Variants in FLT3LG observed in about 807,000 individuals in gnomAD.
The protein encoded by FLT3LG is fms related receptor tyrosine kinase 3 ligand.
FLT3LG carries 8 observed loss-of-function variants against 30.9 expected under a neutral mutation model. That is an observed-to-expected ratio of 0.26 (90% CI 0.15 to 0.47). The LOEUF is 0.47. Among genes scored for constraint, FLT3LG ranks in the 20% least tolerant of loss-of-function variants. FLT3LG has a pLI of 0.99. For missense variants in FLT3LG, 278 were observed against 306.2 expected, an observed-to-expected ratio of 0.91 and a Z score of 0.69; for synonymous variants, 123 against 135.9, an observed-to-expected ratio of 0.91 and a Z score of 0.66.
intron 8 of FLT3LG, among the ~76,000 whole-genome samples, chr19:49,483,919 C>T (rs1432777846): frequency 7.0e-6 from 1 of 142,194 alleles, no homozygotes; most frequent in Non-Finnish European, 1.5e-5. Flanking sequence ...CTAAATTGCT[C>T]TGTCGCCCAG....
At chr19:49,484,658 G>A (rs903506670) in intron 8 of FLT3LG, among the ~76,000 whole-genome samples, 1 of 151,538 alleles carries the variant, frequency 6.6e-6, no homozygotes, top group Non-Finnish European at 1.5e-5. Context: ...CACCACACCT[G>A]GCTAATTTTT....
intron 5 of FLT3LG, among the ~76,000 whole-genome samples, chr19:49,477,243 C>T (rs1053018376): frequency 6.6e-6 from 1 of 152,006 alleles, no homozygotes; most frequent in Non-Finnish European, 1.5e-5. Context: ...GAGTTCAAGA[C>T]CAGCCCGGGT....
At chr19:49,475,588 G>A in intron 2 of FLT3LG, 103 bp from the exon 3 acceptor site, 3 of 1,427,656 alleles carry the variant, frequency 2.1e-6, no homozygotes, top group South Asian at 1.4e-5. Flanking sequence ...GGACACCCAG[G>A]GAAGGAGGAG....
At position 49,478,972 on chromosome 19, in the gene FLT3LG, G is replaced by A. The variant is rs146198329; in HGVS notation, c.406G>A (p.Glu136Lys). The part of the protein sequence containing the change: ...NISRLLQETS[E>K]QLVALKPWIT... ...CTCCCGCCTCCTGCAGGAGACCTCC[G>A]AGCAGCTGGTGGCGCTGAAGCCCTG... is the stretch of plus-strand genomic sequence containing the variant. Residue 136 changes from glutamate to lysine, a missense_variant, in exon 6 of 9, where the codon GAG becomes AAG. By Grantham distance (56) the Glu-to-Lys change is moderately conservative. Coordinates refer to ENST00000597551, the MANE Select transcript of FLT3LG (RefSeq NM_001459.4). 10 of 1,594,012 alleles carry A rather than the reference G, an allele frequency of 6.3e-6. No homozygotes were observed. The highest frequency in any genetic ancestry group is 8.5e-6 in the Non-Finnish European group (10 of 1,170,310).
rs371445063 is a variant in FLT3LG, at chr19:49,484,328, CTT to C, written c.*22-1686_*22-1685del. On this transcript the variant is annotated intron_variant, in intron 8 of 8. Transcript: ENST00000597551. The stretch of plus-strand genomic sequence containing the variant: ...TTTTTTTGTGAGACAGACTTTTGCT[CTT>C]GTTAGCCAGGCTGGAGTGCAGTGGT... Among the ~76,000 whole-genome samples the C allele has an allele frequency of 1.0e-3, 78 of 74,664 alleles. 1 individual carries two copies. The highest frequency in any genetic ancestry group is 4.3e-3 in the African/African-American group (69 of 16,220). The allele number at this position is 74,664 out of a possible 152,430, so 49.0% of individuals were successfully genotyped here. A position where few individuals can be genotyped will look rare whatever the true frequency, so the allele number is the denominator to read the frequency against.
In FLT3LG at chr19:49,480,594, C is replaced by T. The variant is rs1170508476; in HGVS notation, c.703C>T (p.His235Tyr). Residue 235 changes from histidine to tyrosine, a missense_variant, in exon 8 of 9, where the codon CAC (histidine) becomes TAC (tyrosine). Transcript: ENST00000597551. ...PSPQDLLLVE[H>Y] ...TCCCCAGGACCTGCTGCTTGTGGAG[C>T]ACTGACCTGGCCAAGGCCTCATCCT... is the stretch of plus-strand genomic sequence containing the variant. 1 of 1,612,826 alleles carries T rather than the reference C, an allele frequency of 6.2e-7. No homozygotes were observed. The highest frequency in any genetic ancestry group is 8.5e-7 in the Non-Finnish European group (1 of 1,179,560).
At chr19:49,475,603 G>A in intron 2 of FLT3LG, 88 bp from the exon 3 acceptor site, 1 of 1,493,784 alleles carries the variant, frequency 6.7e-7, no homozygotes, top group Non-Finnish European at 8.9e-7. Flanking sequence ...GAGGAGCGGG[G>A]AAGACAGAAC....
chr19:49,477,967 C>G (rs148341739), intron 5 of FLT3LG, among the ~76,000 whole-genome samples: 1 of 151,296 alleles, frequency 6.6e-6, no homozygotes, highest in Non-Finnish European at 1.5e-5. Flanking sequence ...TCCTTGAACC[C>G]GGGAGGTAGA....
chr19:49,481,041 A>G (rs1336700534), intron 8 of FLT3LG: 1 of 156,858 alleles, frequency 6.4e-6, no homozygotes, highest in African/African-American at 2.4e-5. Flanking sequence ...CAAAAAAAAA[A>G]AAAAAAAAGA....
chr19:49,478,143 C>T lies in FLT3LG; in HGVS notation c.343-766C>T, dbSNP rs1601090044. Among the ~76,000 whole-genome samples, 7 of 148,222 alleles carry T rather than the reference C, an allele frequency of 4.7e-5. No homozygotes were observed. In the South Asian group the frequency reaches 1.1e-3, roughly 23 times the overall value. On this transcript the variant is annotated intron_variant, in intron 5 of 8. Coordinates refer to ENST00000597551, the MANE Select transcript of FLT3LG (RefSeq NM_001459.4). Reference sequence around the variant, plus strand: ...CAGCCTGGCCAACATAGAGAAACCCCGTTTCTACTAAAAAATATAAATAAA... The same window carrying T: ...CAGCCTGGCCAACATAGAGAAACCCTGTTTCTACTAAAAAATATAAATAAA...
chr19:49,479,236 C>T (rs1414190226), intron 6 of FLT3LG, among the ~76,000 whole-genome samples, 189 bp downstream of exon 6: 1 of 150,748 alleles, frequency 6.6e-6, no homozygotes, highest in Non-Finnish European at 1.5e-5. Context: ...GCACTGTCGC[C>T]CAGGCTGGAG....
chr19:49,485,991 G>A (rs2079792645), intron 8 of FLT3LG, 24 bp from the exon 9 acceptor site: 2 of 152,316 alleles, frequency 1.3e-5, no homozygotes, highest in Non-Finnish European at 2.9e-5. Flanking sequence ...CAGTGAGACA[G>A]ACATCTATCA....
intron 8 of FLT3LG, among the ~76,000 whole-genome samples, chr19:49,484,295 T>A (rs2079724818): frequency 6.9e-6 from 1 of 145,682 alleles, no homozygotes; most frequent in African/African-American, 2.5e-5. Flanking sequence ...ATAATTTTTT[T>A]TTTTTTTTTT....
rs2079385303 is a variant in FLT3LG at position 49,476,122 on chromosome 19, C to T, written c.145-23C>T. 2 of 1,613,576 alleles carry T rather than the reference C, an allele frequency of 1.2e-6. No homozygotes were observed. The highest frequency in any genetic ancestry group is 1.3e-5 in the African/African-American group (1 of 74,898). On this transcript the variant is annotated intron_variant, in intron 3 of 8. Coordinates refer to ENST00000597551, the MANE Select transcript of FLT3LG (RefSeq NM_001459.4). This position sits in a 1 kb window ranked among gnomAD's most constrained non-coding sequence, Gnocchi z 5.3. ...CTGTTTCTCGCTGTTTTCAGCCAGG[C>T]CTGATCCTGTTTTCTCCCGCAGTCT... is the stretch of plus-strand genomic sequence containing the variant.
At chr19:49,478,501 G>A (rs56320222) in intron 5 of FLT3LG, among the ~76,000 whole-genome samples, 4,756 of 150,970 alleles carry the variant, frequency 0.032, 226 homozygotes, top group Admixed American at 0.11. Context: ...GGCCAAGCAC[G>A]GTGGCTCATG....
rs1014326804 is a variant in FLT3LG, at chr19:49,474,416, C to A, written c.-38+135C>A. On this transcript the variant is annotated intron_variant, in intron 1 of 8. Coordinates refer to ENST00000597551, the MANE Select transcript of FLT3LG (RefSeq NM_001459.4). ...GGGGAGGGTTCTGGGGACCAGACGT[C>A]GAGGTTCTTAGAAGTGGAGATGAAG... 3.8e-5 allele frequency: 23 copies of A among 604,050 alleles called. No homozygotes were observed. The African/African-American group carries it at 3.9e-4, about 10-fold the overall frequency. The allele number at this position is 604,050 out of a possible 1,614,324, so 37.4% of individuals were successfully genotyped here.
At chr19:49,484,655 C>T (rs2079740242) in intron 8 of FLT3LG, among the ~76,000 whole-genome samples, 1 of 151,844 alleles carries the variant, frequency 6.6e-6, no homozygotes. Context: ...CACCACCACA[C>T]CTGGCTAATT....
In FLT3LG at chr19:49,480,354, A is replaced by T. The variant is rs1380527971; in HGVS notation, c.538A>T (p.Thr180Ser). Residue 180 changes from threonine (T) to serine (S), a missense_variant, in exon 7 of 9, where the codon ACA becomes TCA. By Grantham distance (58) the Thr-to-Ser change is moderately conservative. Coordinates refer to ENST00000597551, the MANE Select transcript of FLT3LG (RefSeq NM_001459.4). ...CCGGCCCCTGGAGGCCACAGCCCCGACAGCCCCGCAGCCCCCTCTGCTCCT... is the reference window on the plus strand; with the variant it reads ...CCGGCCCCTGGAGGCCACAGCCCCGTCAGCCCCGCAGCCCCCTCTGCTCCT... ...SPRPLEATAPTAPQPPLLLLL... is the reference protein window; with the variant it reads ...SPRPLEATAPSAPQPPLLLLL... The T allele has an allele frequency of 1.9e-6, 3 of 1,610,368 alleles. No homozygotes were observed. In the African/African-American group the frequency reaches 4.0e-5, roughly 22 times the overall value.
Position 49,475,581 on chromosome 19 carries a change from C to T in FLT3LG, c.34-110C>T, listed in dbSNP as rs1038711775. The T allele has an allele frequency of 7.2e-6, 10 of 1,380,076 alleles. No homozygotes were observed. In the South Asian group the frequency reaches 1.3e-4, roughly 17 times the overall value. The allele number at this position is 1,380,076 out of a possible 1,614,324, so 85.5% of individuals were successfully genotyped here. ...AGAAAGTGTGGAAGAGGCAGAAGGACACCCAGGGAAGGAGGAGCGGGGAAG... is the reference window on the plus strand; with the variant it reads ...AGAAAGTGTGGAAGAGGCAGAAGGATACCCAGGGAAGGAGGAGCGGGGAAG... On this transcript the variant is annotated intron_variant, in intron 2 of 8. Transcript: ENST00000597551.
Sources: gnomAD v4.1 joint callset for allele counts (sites outside exome capture counted in the v4.1 genomes callset) on GRCh38, gnomAD v4.1.1 for gene constraint, Gnocchi (gnomAD v3.1) non-coding constraint, MANE v1.5 for transcripts, NCBI Gene and HGNC (gene_info 2026-07-23, HGNC 2026-07-21) for gene names.